The following TRPM6 variants were observed in gnomAD, a reference collection of about 807,000 sequenced individuals.
TRPM6 encodes channel kinase 2.
A neutral mutation model predicts 247.6 loss-of-function variants in TRPM6; 111 were observed. That is an observed-to-expected ratio of 0.45 (90% CI 0.38 to 0.52). TRPM6 has a LOEUF of 0.52. Among genes scored for constraint, TRPM6 ranks in the 20% least tolerant of loss-of-function variants. TRPM6 has a pLI of 0.00. For missense variants in TRPM6, 2,126 were observed against 2,421.5 expected (o/e 0.88, Z 2.56); for synonymous variants, 892 against 853.8 (o/e 1.04, Z -0.78).
At chr9:74,752,943 T>C (rs1243222223) in intron 28 of TRPM6, among the ~76,000 whole-genome samples, 1 of 151,918 alleles carries the variant, frequency 6.6e-6, no homozygotes, top group African/African-American at 2.4e-5. Flanking sequence ...AGAAACCCTG[T>C]CTCTACTAAA....
rs138458765 is a variant in TRPM6 at position 74,784,620 on chromosome 9, A to T, written c.2919+1254T>A. Among the ~76,000 whole-genome samples the T allele has an allele frequency of 3.2e-4, 48 of 152,308 alleles. 2 individuals are homozygous for T. The East Asian group carries it at 9.3e-3, about 29-fold the overall frequency. On this transcript the variant is annotated intron_variant, in intron 21 of 38. Coordinates refer to ENST00000360774, the MANE Select transcript of TRPM6 (RefSeq NM_017662.5). ...ATATCATTGGTGGTAGCCTCACATG[A>T]ATCTCGTCCTTGGGAATTACTGTGC...
At chr9:74,754,227 C>T (rs939383681) in intron 28 of TRPM6, among the ~76,000 whole-genome samples, 10 of 152,060 alleles carry the variant, frequency 6.6e-5, no homozygotes, top group South Asian at 4.1e-4. Flanking sequence ...TAAGCTCTCA[C>T]GCTATATCTA....
intron 1 of TRPM6, among the ~76,000 whole-genome samples, chr9:74,874,309 T>G (rs1587605297): frequency 1.3e-5 from 2 of 151,810 alleles, no homozygotes; most frequent in South Asian, 4.2e-4. Context: ...GTCAGTGGGA[T>G]ACCAAGAATC....
rs768065375 is a variant in TRPM6, at chr9:74,762,111, C to A, written c.4560G>T (p.Gln1520His). 9.9e-6 allele frequency: 16 copies of A among 1,614,094 alleles called. No individual in the cohort carries two copies. Among genetic ancestry groups the A allele is most frequent in the Non-Finnish European group, 1.4e-5 (16 of 1,180,036 alleles). The change falls in exon 26 of 39, where the codon CAG becomes CAT. Residue 1520 changes from glutamine to histidine, a missense_variant. Transcript: ENST00000360774. ...GATTGATCCAAAAGGATGTGTTTGG[C>A]TGAAGCCATGGTCCCACCTCTGAGC... ...SECSEVGPWL[Q>H]PNTSFWINPL...
At chr9:74,812,888 T>TTGAA (rs34759347) in intron 11 of TRPM6, among the ~76,000 whole-genome samples, 1,677 of 152,266 alleles carry the variant, frequency 0.011, 23 homozygotes, top group African/African-American at 0.032. Context: ...AGACCCTGTC[T>TTGAA]TGAATGAATG....
In TRPM6 at chr9:74,802,017, A is replaced by G; in HGVS notation, c.1890T>C (p.His630=). The G allele has an allele frequency of 1.2e-6, 2 of 1,614,188 alleles. No homozygotes were observed. Among genetic ancestry groups the G allele is most frequent in the Non-Finnish European group, 1.7e-6 (2 of 1,180,032 alleles). Residue 630 remains histidine, a synonymous_variant, in exon 16 of 39, where the codon CAT becomes CAC. Transcript: ENST00000360774. ...RQKMAMFFWQ[H]GEEATVKAVI... is the part of the protein sequence containing the mutation. ...CGGCTTTAACCGTGGCCTCCTCTCC[A>G]TGCTGCCAGAAGAACATAGCCATCT...
chr9:74,732,954 G>T (rs758970421), intron 36 of TRPM6, among the ~76,000 whole-genome samples: 3 of 152,140 alleles, frequency 2.0e-5, no homozygotes, highest in African/African-American at 2.4e-5. Flanking sequence ...AGCTCTTTGG[G>T]GGGTGGAGGT....
chr9:74,881,975 TG>T (rs1831378931), intron 1 of TRPM6, among the ~76,000 whole-genome samples: 2 of 152,198 alleles, frequency 1.3e-5, no homozygotes, highest in African/African-American at 4.8e-5. Context: ...CAATAAATCA[TG>T]CTGGGAAAAC....
chr9:74,887,521 T>G, intron 1 of TRPM6: 1 of 1,206,104 alleles, frequency 8.3e-7, no homozygotes, highest in Non-Finnish European at 1.2e-6. Context: ...CGCCCCGAGC[T>G]GAACCCCCGA....
chr9:74,874,440 G>A (rs1434599388), intron 1 of TRPM6, among the ~76,000 whole-genome samples: 9 of 152,108 alleles, frequency 5.9e-5, no homozygotes, highest in Admixed American at 3.9e-4. Flanking sequence ...TTTAGAGACT[G>A]CCTGTACTTT....
At chr9:74,815,666 T>TAAA (rs1828900367) in intron 11 of TRPM6, among the ~76,000 whole-genome samples, 1 of 152,162 alleles carries the variant, frequency 6.6e-6, no homozygotes, top group Admixed American at 6.6e-5. Context: ...GTTGAAAAAT[T>TAAA]TCTGAAACTA....
chr9:74,810,110 T>C (rs1477623894), intron 13 of TRPM6, among the ~76,000 whole-genome samples: 2 of 152,084 alleles, frequency 1.3e-5, no homozygotes, highest in African/African-American at 4.8e-5. Flanking sequence ...AAGAGAATTT[T>C]AAAAATGTGC....
At chr9:74,761,907 G>T (rs1826650941) in intron 26 of TRPM6, 92 bp downstream of exon 26, 6 of 1,508,566 alleles carry the variant, frequency 4.0e-6, no homozygotes, top group Non-Finnish European at 5.5e-6. Context: ...TGACAATGTG[G>T]TTAAGAGTCA....
At chr9:74,742,412 T>C (rs2118749010) in intron 33 of TRPM6, 149 bp downstream of exon 33, 1 of 758,670 alleles carries the variant, frequency 1.3e-6, no homozygotes, top group South Asian at 1.6e-5. Context: ...TAACAAGAAT[T>C]TCCATTTTAG....
At chr9:74,887,320 G>C in intron 1 of TRPM6, 1 of 1,385,852 alleles carries the variant, frequency 7.2e-7, no homozygotes, top group Non-Finnish European at 9.3e-7. Context: ...ACGGCCGTCT[G>C]GGCACTTCTC....
At chr9:74,783,640 T>C (rs1827541102) in intron 21 of TRPM6, among the ~76,000 whole-genome samples, 1 of 152,210 alleles carries the variant, frequency 6.6e-6, no homozygotes, top group African/African-American at 2.4e-5. Flanking sequence ...TCACCAAACC[T>C]TGCATTAGGG....
intron 31 of TRPM6, among the ~76,000 whole-genome samples, chr9:74,747,344 G>A (rs1020244207): frequency 2.6e-5 from 4 of 152,206 alleles, no homozygotes; most frequent in Non-Finnish European, 5.9e-5. Flanking sequence ...ACCCAAGAAA[G>A]TGTGATGGAA....
chr9:74,867,853 TA>T (rs35586777), intron 1 of TRPM6, among the ~76,000 whole-genome samples: 47,271 of 151,738 alleles, frequency 0.31, 8,454 homozygotes, highest in East Asian at 0.5. Flanking sequence ...TTCATTCATT[TA>T]AAAAAAAATA....
Position 74,752,320 on chromosome 9 carries a change from T to C in TRPM6, c.4955A>G (p.Gln1652Arg), listed in dbSNP as rs748310830. The change falls in exon 29 of 39, where the codon CAA becomes CGA. Residue 1652 changes from glutamine to arginine, a missense_variant. By Grantham distance (43) the Gln-to-Arg change is conservative. Coordinates refer to ENST00000360774, the MANE Select transcript of TRPM6 (RefSeq NM_017662.5). The stretch of plus-strand genomic sequence containing the variant: ...GTAATCACTGATTTGTATAGCACAT[T>C]GTCCAATTTCTTTAGTTTTCATTTT... ...HQKMKTKEIG[Q>R]CAIQISDYLK... 2 of 1,602,928 alleles carry C rather than the reference T, an allele frequency of 1.2e-6. No individual in the cohort carries two copies. Among genetic ancestry groups the C allele is most frequent in the Admixed American group, 3.3e-5 (2 of 59,722 alleles).
Sources: allele counts gnomAD v4.1 joint callset (sites outside exome capture counted in the v4.1 genomes callset), GRCh38; gene constraint gnomAD v4.1.1; transcripts MANE v1.5; gene names NCBI Gene and HGNC (gene_info 2026-07-23, HGNC 2026-07-21).